PCDHGA2: variants seen among roughly 807,000 people sequenced by gnomAD.
The protein encoded by PCDHGA2 is protocadherin gamma subfamily A, 2.
PCDHGA2 carries 40 observed loss-of-function variants against 59.2 expected under a neutral mutation model. That is an observed-to-expected ratio of 0.68 (90% CI 0.52 to 0.88). PCDHGA2 has a LOEUF of 0.88. PCDHGA2 is among the 40% of genes least tolerant of loss of function. PCDHGA2 has a pLI of 0.00. For missense variants in PCDHGA2, 1,226 were observed against 1,204.0 expected (o/e 1.02, Z -0.27); for synonymous variants, 560 against 526.0 (o/e 1.06, Z -0.89).
At chr5:141,404,614 C>T in intron 1 of PCDHGA2, 5 of 1,614,078 alleles carry the variant, frequency 3.1e-6, no homozygotes, top group Non-Finnish European at 4.2e-6. Context: ...TTGTTTTGGA[C>T]CAGAATGACA....
At chr5:141,496,080 C>G (rs2099765822) in intron 2 of PCDHGA2, among the ~76,000 whole-genome samples, 2 of 152,150 alleles carry the variant, frequency 1.3e-5, no homozygotes, top group East Asian at 1.9e-4. Context: ...ACACAACCCC[C>G]CACCCACCAC....
chr5:141,346,468 T>C, intron 1 of PCDHGA2: 1 of 1,613,962 alleles, frequency 6.2e-7, no homozygotes, highest in Non-Finnish European at 8.5e-7. Context: ...GTGAGTTTAT[T>C]TATTTCTTTG....
intron 1 of PCDHGA2, among the ~76,000 whole-genome samples, chr5:141,471,883 C>T (rs951573411): frequency 6.6e-6 from 1 of 152,084 alleles, no homozygotes; most frequent in Non-Finnish European, 1.5e-5. Flanking sequence ...GAGGCTGAAG[C>T]TAGGAAGATT....
rs758139838 is a variant in PCDHGA2, at chr5:141,431,419, G to C, written c.2425-63388G>C. The C allele has an allele frequency of 1.5e-5, 25 of 1,613,700 alleles. No individual in the cohort carries two copies. The highest frequency in any genetic ancestry group is 2.0e-5 in the Non-Finnish European group (24 of 1,180,046). On this transcript the variant is annotated intron_variant, in intron 1 of 3. Coordinates refer to ENST00000394576, the MANE Select transcript of PCDHGA2 (RefSeq NM_018915.4). This position sits in a 1 kb window ranked among gnomAD's most constrained non-coding sequence, Gnocchi z 4.8. ...TTACGGCCTCCGACGGGGGCGACCC[G>C]GTGCGCACAGGCACCGCGCGCATCC... is the stretch of plus-strand genomic sequence containing the variant.
chr5:141,370,525 G>A, intron 1 of PCDHGA2: 2 of 1,613,874 alleles, frequency 1.2e-6, no homozygotes, highest in South Asian at 1.1e-5. Context: ...CTGGACAGGG[G>A]CTCGCTGGTA....
intron 1 of PCDHGA2, chr5:141,419,553 C>T (rs2096398346): frequency 1.2e-5 from 20 of 1,611,902 alleles, no homozygotes; most frequent in Non-Finnish European, 1.4e-5. Flanking sequence ...GTGCTGTACC[C>T]TGCGCTGGGT....
chr5:141,507,478 C>T (rs933478897), intron 3 of PCDHGA2, among the ~76,000 whole-genome samples: 5 of 152,158 alleles, frequency 3.3e-5, no homozygotes, highest in African/African-American at 1.2e-4. Flanking sequence ...GGACTGCTGG[C>T]CTCCTGAGGC....
chr5:141,346,316 G>C (rs1324598241), intron 1 of PCDHGA2: 1 of 1,614,188 alleles, frequency 6.2e-7, no homozygotes, highest in Non-Finnish European at 8.5e-7. Flanking sequence ...CCCTCACTGC[G>C]GACTCGCGGA....
intron 1 of PCDHGA2, chr5:141,372,315 C>A (rs1444112616): frequency 6.2e-7 from 1 of 1,613,564 alleles, no homozygotes; most frequent in Non-Finnish European, 8.5e-7. Context: ...CGCCCGCCAG[C>A]GCCTGCTGGT....
intron 1 of PCDHGA2, chr5:141,356,736 G>C: frequency 6.2e-7 from 1 of 1,613,970 alleles, no homozygotes; most frequent in Non-Finnish European, 8.5e-7. Flanking sequence ...CCAATACAGG[G>C]ATCCTATATG....
At chr5:141,405,049 C>A in intron 1 of PCDHGA2, 2 of 1,613,936 alleles carry the variant, frequency 1.2e-6, no homozygotes, top group South Asian at 2.2e-5. Flanking sequence ...CTGTGGCAGT[C>A]GTCTCCTGTG....
At chr5:141,389,245 C>A (rs755580542) in intron 1 of PCDHGA2, 6 of 1,613,950 alleles carry the variant, frequency 3.7e-6, no homozygotes, top group Non-Finnish European at 5.1e-6. Context: ...TCACAGTCTT[C>A]CTATATAGTC....
In PCDHGA2 at chr5:141,339,734, A is replaced by G. The variant is rs1448912033; in HGVS notation, c.763A>G (p.Thr255Ala). The G allele has an allele frequency of 2.5e-6, 4 of 1,613,954 alleles. No homozygotes were observed. The African/African-American group carries it at 4.0e-5, about 16-fold the overall frequency. ...PEYRISIPEN[T>A]LVGTRILTVT... ...GTACCGCATAAGCATTCCGGAGAAT[A>G]CGCTCGTGGGCACCCGGATACTCAC... is the stretch of plus-strand genomic sequence containing the variant. The change falls in exon 1 of 4, where the codon ACG becomes GCG. Residue 255 changes from threonine (T) to alanine (A), a missense_variant. Physicochemically the swap from Thr to Ala is moderately conservative, Grantham distance 58 (BLOSUM62 0). Coordinates refer to ENST00000394576, the MANE Select transcript of PCDHGA2 (RefSeq NM_018915.4).
At chr5:141,351,812 C>A (rs572024020) in intron 1 of PCDHGA2, 1 of 1,613,306 alleles carries the variant, frequency 6.2e-7, no homozygotes, top group South Asian at 1.1e-5. Flanking sequence ...CGCCTTCGAC[C>A]ACGAGCAGCT....
intron 1 of PCDHGA2, chr5:141,350,979 GC>G: frequency 6.2e-7 from 1 of 1,614,068 alleles, no homozygotes; most frequent in Non-Finnish European, 8.5e-7. Context: ...CCCGTGTTTA[GC>G]CAGGAGGTAT....
At chr5:141,371,831 C>G (rs374832321) in intron 1 of PCDHGA2, 7 of 1,613,652 alleles carry the variant, frequency 4.3e-6, no homozygotes, top group Non-Finnish European at 5.1e-6. Flanking sequence ...CCTCGGATCC[C>G]GACTTGGGAC....
intron 1 of PCDHGA2, chr5:141,351,674 G>A (rs781547082): frequency 1.9e-6 from 3 of 1,613,970 alleles, no homozygotes; most frequent in East Asian, 2.2e-5. Flanking sequence ...ACAAGTAAGC[G>A]CCTCCGACCC....
At position 141,415,428 on chromosome 5, in the gene PCDHGA2, G is replaced by T. The variant is rs948747218; in HGVS notation, c.2424+74033G>T. 1.5e-5 allele frequency: 24 copies of T among 1,614,088 alleles called. No individual in the cohort carries two copies. In the Admixed American group the frequency reaches 1.7e-4, roughly 11 times the overall value. ...ACTTTGTGGGCGTGGACGGGGTTCG[G>T]GCTTTCCTGCAGACCTATTCCCACG... On this transcript the variant is annotated intron_variant, in intron 1 of 3. Transcript: ENST00000394576.
chr5:141,365,163 C>T (rs1383856831), intron 1 of PCDHGA2: 1 of 1,613,918 alleles, frequency 6.2e-7, no homozygotes, highest in South Asian at 1.1e-5. Flanking sequence ...GGGAAATTGA[C>T]CTACTCTTTT....
Sources: allele counts gnomAD v4.1 joint callset (sites outside exome capture counted in the v4.1 genomes callset), GRCh38; gene constraint gnomAD v4.1.1; non-coding constraint Gnocchi (gnomAD v3.1); transcripts MANE v1.5; gene names NCBI Gene and HGNC (gene_info 2026-07-23, HGNC 2026-07-21).